The following TMEM132D variants were observed in gnomAD, a reference collection of about 807,000 sequenced individuals.
TMEM132D encodes the protein mature OL transmembrane protein.
Under a neutral mutation model 62.3 loss-of-function variants are expected in TMEM132D, and 21 were observed. The observed-to-expected ratio is 0.34, with a 90% CI of 0.24 to 0.49. The LOEUF is 0.49. Ranked by LOEUF, TMEM132D falls within the 20% of genes least tolerant of loss-of-function variation. The pLI is 0.99. For missense variants in TMEM132D, 1,346 were observed against 1,402.8 expected (o/e 0.96, Z 0.65); for synonymous variants, 621 against 575.6 (o/e 1.08, Z -1.13).
intron 5 of TMEM132D, among the ~76,000 whole-genome samples, chr12:129,126,010 G>A (rs971359677): frequency 6.6e-6 from 1 of 152,144 alleles, no homozygotes; most frequent in African/African-American, 2.4e-5. Flanking sequence ...TTCCCGGGGG[G>A]CCAGCTATGC....
Position 129,074,614 on chromosome 12 carries a change from C to T in TMEM132D, c.2561G>A (p.Gly854Asp), listed in dbSNP as rs1238714990. ...SSSMGLMEGRGTTTDRSILQK... is the reference protein window; with the variant it reads ...SSSMGLMEGRDTTTDRSILQK... ...CAGGATGGACCTGTCTGTCGTGGTG[C>T]CCCGTCCCTCCATGAGTCCCATAGA... The change falls in exon 9 of 9, where the codon GGC (glycine) becomes GAC (aspartate). Residue 854 changes from glycine (G) to aspartate (D), a missense_variant. By Grantham distance (94) the Gly-to-Asp change is moderately conservative. Coordinates refer to ENST00000422113, the MANE Select transcript of TMEM132D (RefSeq NM_133448.3). 6.2e-7 allele frequency: 1 copy of T among 1,614,034 alleles called. No homozygotes were observed. Among genetic ancestry groups the T allele is most frequent in the East Asian group, 2.2e-5 (1 of 44,862 alleles).
intron 2 of TMEM132D, among the ~76,000 whole-genome samples, chr12:129,559,466 C>T (rs534998714): frequency 5.3e-5 from 8 of 152,176 alleles, no homozygotes; most frequent in Admixed American, 2.6e-4. Flanking sequence ...CAGCACAACT[C>T]GCCCACACAA....
At chr12:129,871,491 T>A (rs564804259) in intron 1 of TMEM132D, among the ~76,000 whole-genome samples, 5 of 152,270 alleles carry the variant, frequency 3.3e-5, no homozygotes, top group Admixed American at 3.3e-4. Context: ...CCCTTTCTGT[T>A]TCAGATAGTC....
At chr12:129,477,408 C>G (rs977979106) in intron 3 of TMEM132D, among the ~76,000 whole-genome samples, 1 of 152,238 alleles carries the variant, frequency 6.6e-6, no homozygotes, top group Non-Finnish European at 1.5e-5. Context: ...GACCAATACA[C>G]TAGGCATTTG....
chr12:129,569,524 G>C (rs948044346), intron 2 of TMEM132D, among the ~76,000 whole-genome samples: 2 of 152,116 alleles, frequency 1.3e-5, no homozygotes, highest in African/African-American at 4.8e-5. Context: ...GTATAGAGAG[G>C]CAAAGGCAAA....
chr12:129,849,111 T>C (rs1002424361), intron 1 of TMEM132D, among the ~76,000 whole-genome samples: 1 of 152,160 alleles, frequency 6.6e-6, no homozygotes, highest in Non-Finnish European at 1.5e-5. Context: ...GGACAGGAGT[T>C]TATAATGCAA....
chr12:129,715,210 G>A (rs996147331), intron 1 of TMEM132D, among the ~76,000 whole-genome samples: 2 of 152,134 alleles, frequency 1.3e-5, no homozygotes, highest in African/African-American at 4.8e-5. Context: ...AAATGTAAGA[G>A]AGACAGAGAA....
intron 3 of TMEM132D, among the ~76,000 whole-genome samples, chr12:129,435,641 C>G (rs954510573): frequency 1.3e-5 from 2 of 152,156 alleles, no homozygotes; most frequent in African/African-American, 4.8e-5. Context: ...ATGTTTACCT[C>G]TGTTCCAGGA....
intron 5 of TMEM132D, among the ~76,000 whole-genome samples, chr12:129,108,179 C>G (rs1265660360): frequency 6.6e-6 from 1 of 152,162 alleles, no homozygotes; most frequent in Non-Finnish European, 1.5e-5. Flanking sequence ...ATCTGTGGCT[C>G]TAAATAGAAT....
rs549842844 is a variant in TMEM132D, at chr12:129,328,735, C to T, written c.1299+8899G>A. Among the ~76,000 whole-genome samples the T allele has an allele frequency of 2.6e-5, 4 of 152,122 alleles. No individual in the cohort carries two copies. In the South Asian group the frequency reaches 8.3e-4, roughly 32 times the overall value. ...TTTGCATTTTCCAAAGATCTTTTTG[C>T]ATATGGAACTGATCAACAGCCTACG... is the stretch of plus-strand genomic sequence containing the variant. On this transcript the variant is annotated intron_variant, in intron 4 of 8. Coordinates refer to ENST00000422113, the MANE Select transcript of TMEM132D (RefSeq NM_133448.3).
chr12:129,884,167 G>T (rs1484200574), intron 1 of TMEM132D, among the ~76,000 whole-genome samples: 1 of 151,974 alleles, frequency 6.6e-6, no homozygotes, highest in East Asian at 1.9e-4. Flanking sequence ...TAAACTTATG[G>T]AAAAAGCACA....
intron 2 of TMEM132D, among the ~76,000 whole-genome samples, chr12:129,668,993 A>G (rs925935218): frequency 6.6e-6 from 1 of 152,184 alleles, no homozygotes; most frequent in Non-Finnish European, 1.5e-5. Flanking sequence ...ACCCCACATT[A>G]TCTTACGTCC....
At chr12:129,189,451 G>T (rs544095378) in intron 5 of TMEM132D, among the ~76,000 whole-genome samples, 2 of 152,218 alleles carry the variant, frequency 1.3e-5, no homozygotes, top group East Asian at 3.9e-4. Flanking sequence ...CTTTGTGGGG[G>T]GTGAAGACTG....
intron 3 of TMEM132D, among the ~76,000 whole-genome samples, chr12:129,381,536 C>T (rs1870950879): frequency 6.6e-6 from 1 of 152,120 alleles, no homozygotes; most frequent in South Asian, 2.1e-4. Flanking sequence ...TATTGATTCC[C>T]ATTTTGCATG....
intron 1 of TMEM132D, among the ~76,000 whole-genome samples, chr12:129,732,013 G>C (rs1333207490): frequency 2.0e-5 from 3 of 152,032 alleles, no homozygotes; most frequent in African/African-American, 7.2e-5. Context: ...CAGCCCCATG[G>C]GTTTTCAGAT....
intron 1 of TMEM132D, among the ~76,000 whole-genome samples, chr12:129,723,198 G>T (rs896507467): frequency 6.6e-6 from 1 of 152,144 alleles, no homozygotes; most frequent in African/African-American, 2.4e-5. Context: ...TTACAGTTTC[G>T]TGCTAATATG....
intron 1 of TMEM132D, among the ~76,000 whole-genome samples, chr12:129,744,918 G>A (rs976505778): frequency 7.9e-5 from 12 of 152,142 alleles, no homozygotes; most frequent in African/African-American, 2.7e-4. Context: ...CATGTCAAGG[G>A]AGAGACCAGG....
At chr12:129,385,690 ATG>A (rs751622151) in intron 3 of TMEM132D, among the ~76,000 whole-genome samples, 1 of 152,210 alleles carries the variant, frequency 6.6e-6, no homozygotes, top group Non-Finnish European at 1.5e-5. Flanking sequence ...ACTGCTAAAA[ATG>A]TCTCTCCACT....
intron 3 of TMEM132D, among the ~76,000 whole-genome samples, chr12:129,462,922 G>A (rs1004463233): frequency 6.6e-6 from 1 of 152,114 alleles, no homozygotes; most frequent in African/African-American, 2.4e-5. Context: ...CAAAGAGAGA[G>A]GTAGGTTCTT....
Sources: gnomAD v4.1 joint callset for allele counts (sites outside exome capture counted in the v4.1 genomes callset) on GRCh38, gnomAD v4.1.1 for gene constraint, MANE v1.5 for transcripts, NCBI Gene and HGNC (gene_info 2026-07-23, HGNC 2026-07-21) for gene names.